LEKR1: variants seen among roughly 807,000 people sequenced by gnomAD.
LEKR1 encodes the protein leucine, glutamate and lysine rich 1, also known as protein LEKR1.
A neutral mutation model predicts 72.4 loss-of-function variants in LEKR1; 59 were observed. That is an observed-to-expected ratio of 0.82 (90% CI 0.66 to 1.01). The LOEUF is 1.01. Ranked by LOEUF, LEKR1 falls within the 50% of genes least tolerant of loss-of-function variation. The pLI is 0.00. For missense variants in LEKR1, 728 were observed against 759.2 expected (o/e 0.96, Z 0.48); for synonymous variants, 257 against 263.2 (o/e 0.98, Z 0.23).
chr3:156,946,379 T>C (rs1726677705), intron 6 of LEKR1, among the ~76,000 whole-genome samples: 1 of 151,552 alleles, frequency 6.6e-6, no homozygotes, highest in Non-Finnish European at 1.5e-5. Flanking sequence ...GATTATATCA[T>C]CTGCAAACAA....
chr3:156,914,355 T>A (rs1723396832), intron 3 of LEKR1, among the ~76,000 whole-genome samples: 1 of 152,044 alleles, frequency 6.6e-6, no homozygotes, highest in Admixed American at 6.6e-5. Context: ...GATGTTCCCC[T>A]CCCCGTGTCC....
At chr3:156,838,349 A>G (rs1175027571) in intron 2 of LEKR1, among the ~76,000 whole-genome samples, 1 of 152,230 alleles carries the variant, frequency 6.6e-6, no homozygotes, top group South Asian at 2.1e-4. Flanking sequence ...GCACAATGAG[A>G]TAAAGACAAA....
At chr3:156,923,195 A>T (rs1330961219) in intron 4 of LEKR1, among the ~76,000 whole-genome samples, 4 of 152,168 alleles carry the variant, frequency 2.6e-5, no homozygotes, top group African/African-American at 9.7e-5. Context: ...TATCTTAAGG[A>T]GACAATTTAA....
intron 3 of LEKR1, among the ~76,000 whole-genome samples, chr3:156,903,731 A>T (rs1251834417): frequency 6.6e-6 from 1 of 152,198 alleles, no homozygotes; most frequent in Non-Finnish European, 1.5e-5. Context: ...CAACTTTCTC[A>T]TAGCAGGAAA....
intron 2 of LEKR1, among the ~76,000 whole-genome samples, chr3:156,852,476 C>T (rs1052892338): frequency 2.0e-5 from 3 of 152,110 alleles, no homozygotes; most frequent in Non-Finnish European, 4.4e-5. Context: ...ATAAATTTTT[C>T]ACTATTTTTG....
intron 3 of LEKR1, among the ~76,000 whole-genome samples, chr3:156,889,578 A>G (rs145478001): frequency 5.2e-4 from 79 of 152,332 alleles, no homozygotes; most frequent in African/African-American, 1.7e-3. Context: ...TGTAAGAATT[A>G]CCACCTAACT....
intron 2 of LEKR1, among the ~76,000 whole-genome samples, chr3:156,849,911 A>G (rs1301124049): frequency 6.6e-6 from 1 of 152,222 alleles, no homozygotes; most frequent in East Asian, 1.9e-4. Flanking sequence ...GACAAATGGG[A>G]TCTAATTAAA....
chr3:156,829,184 A>G (rs1712039160), intron 1 of LEKR1, 102 bp from the exon 2 acceptor site: 1 of 575,456 alleles, frequency 1.7e-6, no homozygotes, highest in East Asian at 2.9e-5. Flanking sequence ...TGAAACAGTT[A>G]TCACCATTCA....
intron 3 of LEKR1, among the ~76,000 whole-genome samples, chr3:156,860,473 T>G (rs1020463898): frequency 1.3e-5 from 2 of 152,070 alleles, no homozygotes; most frequent in East Asian, 1.9e-4. Flanking sequence ...ATAAGTCAGT[T>G]TAGAGCAGTC....
intron 2 of LEKR1, among the ~76,000 whole-genome samples, chr3:156,837,061 AT>A (rs1713242665): frequency 1.3e-5 from 2 of 152,332 alleles, no homozygotes; most frequent in South Asian, 4.1e-4. Context: ...AGAATAAAAG[AT>A]TTCTAAAATT....
At chr3:157,022,331 G>T (rs751278680) in intron 10 of LEKR1, among the ~76,000 whole-genome samples, 2 of 151,956 alleles carry the variant, frequency 1.3e-5, no homozygotes, top group Non-Finnish European at 2.9e-5. Flanking sequence ...AGTTTGTAAA[G>T]AATACTGTGC....
chr3:157,029,929 G>T (rs1734482032), intron 12 of LEKR1, among the ~76,000 whole-genome samples: 1 of 152,038 alleles, frequency 6.6e-6, no homozygotes, highest in African/African-American at 2.4e-5. Flanking sequence ...AAGACGGAAG[G>T]GCCAAATTCA....
At chr3:156,848,831 A>C (rs1714955825) in intron 2 of LEKR1, among the ~76,000 whole-genome samples, 1 of 152,324 alleles carries the variant, frequency 6.6e-6, no homozygotes, top group African/African-American at 2.4e-5. Context: ...TACCAGTGGC[A>C]GTAACTAAGG....
intron 12 of LEKR1, among the ~76,000 whole-genome samples, chr3:157,043,894 T>G (rs1005984021): frequency 3.3e-5 from 5 of 152,178 alleles, no homozygotes; most frequent in Non-Finnish European, 1.5e-5. Context: ...TATATGTAAA[T>G]GATGAGTATT....
intron 3 of LEKR1, among the ~76,000 whole-genome samples, chr3:156,897,090 A>G (rs576308087): frequency 3.9e-5 from 6 of 152,158 alleles, no homozygotes; most frequent in Non-Finnish European, 7.4e-5. Context: ...AAAACTACCT[A>G]TTGGGTACTA....
intron 2 of LEKR1, among the ~76,000 whole-genome samples, chr3:156,831,589 G>A (rs1712408417): frequency 6.6e-6 from 1 of 152,134 alleles, no homozygotes. Context: ...GGCTGGGGAG[G>A]CCTCACAATC....
intron 12 of LEKR1, among the ~76,000 whole-genome samples, chr3:157,037,931 C>G (rs991270847): frequency 6.6e-6 from 1 of 152,124 alleles, no homozygotes; most frequent in Non-Finnish European, 1.5e-5. Context: ...AGGAAGTCAG[C>G]AAGCACTGCT....
intron 2 of LEKR1, among the ~76,000 whole-genome samples, chr3:156,839,885 C>T (rs981037771): frequency 2.8e-4 from 42 of 152,200 alleles, no homozygotes; most frequent in African/African-American, 8.9e-4. Context: ...CAAAAAAGTT[C>T]GACAGAAGTT....
intron 10 of LEKR1, among the ~76,000 whole-genome samples, chr3:157,024,329 C>G (rs1221926521): frequency 2.0e-5 from 3 of 152,190 alleles, no homozygotes; most frequent in African/African-American, 7.2e-5. Flanking sequence ...TGACCTCCAT[C>G]AAGAAAGGGC....
Sources: gnomAD v4.1 joint callset for allele counts (sites outside exome capture counted in the v4.1 genomes callset) on GRCh38, gnomAD v4.1.1 for gene constraint, MANE v1.5 for transcripts, NCBI Gene and HGNC (gene_info 2026-07-23, HGNC 2026-07-21) for gene names.